The following SPIDR variants were observed in gnomAD, a reference collection of about 807,000 sequenced individuals.
SPIDR encodes scaffold protein involved in DNA repair, also known as DNA repair-scaffolding protein.
A neutral mutation model predicts 104.6 loss-of-function variants in SPIDR; 93 were observed. That is an observed-to-expected ratio of 0.89 (90% confidence interval 0.75 to 1.06). SPIDR has a LOEUF of 1.06. SPIDR is among the 50% of genes least tolerant of loss of function. The probability of loss-of-function intolerance (pLI) is 0.00; values close to 1 mark genes in which losing one functional copy is unlikely to be tolerated. For missense variants in SPIDR, 1,154 were observed against 1,111.2 expected (o/e 1.04, Z -0.55); for synonymous variants, 431 against 416.9 (o/e 1.03, Z -0.41).
At chr8:47,414,692 C>G (rs1588397362) in intron 7 of SPIDR, among the ~76,000 whole-genome samples, 1 of 152,058 alleles carries the variant, frequency 6.6e-6, no homozygotes, top group South Asian at 2.1e-4. Flanking sequence ...TTGCATGGTA[C>G]GAATGTGCCA....
At chr8:47,657,893 C>T (rs1182399678) in intron 10 of SPIDR, among the ~76,000 whole-genome samples, 7 of 151,552 alleles carry the variant, frequency 4.6e-5, no homozygotes, top group Non-Finnish European at 7.4e-5. Context: ...TAGCTGGACA[C>T]GGTAGCACAG....
chr8:47,288,216 G>A (rs1016084185), intron 3 of SPIDR, among the ~76,000 whole-genome samples: 12 of 151,228 alleles, frequency 7.9e-5, no homozygotes, highest in Admixed American at 2.0e-4. Context: ...CTTATTAACG[G>A]TAGTAATTTT....
chr8:47,455,885 A>G (rs1409723158), intron 8 of SPIDR, among the ~76,000 whole-genome samples: 1 of 152,168 alleles, frequency 6.6e-6, no homozygotes, highest in African/African-American at 2.4e-5. Context: ...TTGAAAGGAG[A>G]AATAGATCTA....
At chr8:47,350,111 GT>G (rs1326316304) in intron 5 of SPIDR, among the ~76,000 whole-genome samples, 1 of 152,082 alleles carries the variant, frequency 6.6e-6, no homozygotes. Flanking sequence ...GAATGATCGG[GT>G]TTTTCTTAAT....
intron 8 of SPIDR, among the ~76,000 whole-genome samples, chr8:47,522,227 G>T (rs1318041445): frequency 1.3e-5 from 2 of 150,770 alleles, no homozygotes; most frequent in Non-Finnish European, 3.0e-5. Context: ...AGGAGAAAAA[G>T]AACTGTGATA....
chr8:47,423,425 G>A (rs1031170805), intron 7 of SPIDR, among the ~76,000 whole-genome samples: 10 of 151,836 alleles, frequency 6.6e-5, no homozygotes, highest in Admixed American at 6.6e-5. Flanking sequence ...CACCAATATG[G>A]CGAAAAAGTA....
chr8:47,589,261 CTA>C lies in SPIDR; in HGVS notation c.1098-6547_1098-6546del, dbSNP rs879411272. The stretch of plus-strand genomic sequence containing the variant: ...TTTGGCCGGGCATGGTGGCTCACAC[CTA>C]TAATCCCAGCACTTTGGGAGGCCGA... On this transcript the variant is annotated intron_variant, in intron 8 of 19. Coordinates refer to ENST00000297423, the MANE Select transcript of SPIDR (RefSeq NM_001080394.4). Among the ~76,000 whole-genome samples the C allele has an allele frequency of 9.9e-5, 15 of 151,998 alleles. No individual in the cohort carries two copies. The South Asian group carries it at 1.7e-3, about 17-fold the overall frequency.
chr8:47,507,570 G>A (rs189033078), intron 8 of SPIDR, among the ~76,000 whole-genome samples: 1 of 152,260 alleles, frequency 6.6e-6, no homozygotes, highest in African/African-American at 2.4e-5. Context: ...CAGGATGCAA[G>A]AGTAGGCACA....
intron 16 of SPIDR, among the ~76,000 whole-genome samples, chr8:47,726,291 C>G (rs896574959): frequency 6.6e-6 from 1 of 152,228 alleles, no homozygotes; most frequent in Non-Finnish European, 1.5e-5. Flanking sequence ...TCTCATACTT[C>G]TGTTTTATCC....
intron 8 of SPIDR, chr8:47,512,242 G>A (rs929540605): frequency 2.6e-5 from 8 of 312,336 alleles, no homozygotes; most frequent in Admixed American, 8.8e-5. Context: ...GGAGCTTAGC[G>A]ACTGGGTTGT....
chr8:47,418,215 G>C (rs1052102407), intron 7 of SPIDR, among the ~76,000 whole-genome samples: 26 of 152,188 alleles, frequency 1.7e-4, no homozygotes, highest in African/African-American at 6.3e-4. Context: ...ACCTTGGACA[G>C]TATGCCCATT....
At chr8:47,666,420 TG>T (rs2074944285) in intron 10 of SPIDR, among the ~76,000 whole-genome samples, 3 of 152,220 alleles carry the variant, frequency 2.0e-5, no homozygotes, top group Non-Finnish European at 4.4e-5. Context: ...TGAATTCTGA[TG>T]GAGGTTTAGC....
chr8:47,592,224 C>G (rs1428253626), intron 8 of SPIDR: 20 of 1,319,104 alleles, frequency 1.5e-5, no homozygotes, highest in Non-Finnish European at 2.2e-5. Context: ...TTCCACTGCT[C>G]TGCTACATCA....
intron 1 of SPIDR, among the ~76,000 whole-genome samples, chr8:47,274,259 C>G (rs1049985140): frequency 2.0e-5 from 3 of 152,064 alleles, no homozygotes; most frequent in Admixed American, 2.0e-4. Flanking sequence ...TTTCTTCAAT[C>G]ATTGATTATG....
intron 8 of SPIDR, among the ~76,000 whole-genome samples, chr8:47,524,036 A>G (rs2084605410): frequency 6.6e-6 from 1 of 152,220 alleles, no homozygotes. Context: ...ACCAAAAGTT[A>G]TTTTAGAGAT....
At chr8:47,272,356 TC>T (rs2035513221) in intron 1 of SPIDR, among the ~76,000 whole-genome samples, 1 of 152,206 alleles carries the variant, frequency 6.6e-6, no homozygotes, top group Admixed American at 6.5e-5. Context: ...TCCCATCCCC[TC>T]CCCAGGGTTT....
chr8:47,667,906 C>CA (rs1429738376), intron 10 of SPIDR: 4 of 151,506 alleles, frequency 2.6e-5, no homozygotes, highest in Non-Finnish European at 5.9e-5. Flanking sequence ...TTGAAAAAAA[C>CA]AAATGTAAGA....
At chr8:47,564,126 T>G (rs187154629) in intron 8 of SPIDR, among the ~76,000 whole-genome samples, 5,040 of 145,078 alleles carry the variant, frequency 0.035, 139 homozygotes, top group Middle Eastern at 0.064. Flanking sequence ...GTCACCAGGC[T>G]GGAGTGCAGT....
chr8:47,304,907 G>A (rs2042867808), intron 5 of SPIDR, among the ~76,000 whole-genome samples: 1 of 152,188 alleles, frequency 6.6e-6, no homozygotes, highest in Admixed American at 6.5e-5. Flanking sequence ...TAGTGGGTTT[G>A]TTACCACAAG....
Sources: allele counts gnomAD v4.1 joint callset (sites outside exome capture counted in the v4.1 genomes callset), GRCh38; gene constraint gnomAD v4.1.1; transcripts MANE v1.5; gene names NCBI Gene and HGNC (gene_info 2026-07-23, HGNC 2026-07-21).